TOP2B: variants seen among roughly 807,000 people sequenced by gnomAD.
The protein encoded by TOP2B is DNA topoisomerase II beta.
TOP2B carries 51 observed loss-of-function variants against 193.5 expected under a neutral mutation model. That is an observed-to-expected ratio of 0.26 (90% CI 0.21 to 0.33). The LOEUF is 0.33. Among genes scored for constraint, TOP2B ranks in the 10% least tolerant of loss-of-function variants. TOP2B has a pLI of 1.00. For missense variants in TOP2B, 1,378 were observed against 1,909.3 expected (o/e 0.72, Z 5.19); for synonymous variants, 634 against 635.7 (o/e 1.00, Z 0.04).
At chr3:25,621,200 C>T (rs1364172961) in intron 21 of TOP2B, among the ~76,000 whole-genome samples, 1 of 152,160 alleles carries the variant, frequency 6.6e-6, no homozygotes, top group Non-Finnish European at 1.5e-5. Flanking sequence ...AAAACCACTA[C>T]TCTTCTCCCA....
chr3:25,635,719 TA>T (rs933518733), intron 7 of TOP2B, among the ~76,000 whole-genome samples: 1 of 151,962 alleles, frequency 6.6e-6, no homozygotes, highest in African/African-American at 2.4e-5. Context: ...CAGTATCAAA[TA>T]ATGTAACATA....
At chr3:25,640,860 A>AG (rs1045864180) in intron 4 of TOP2B, among the ~76,000 whole-genome samples, 9 of 150,728 alleles carry the variant, frequency 6.0e-5, no homozygotes, top group Admixed American at 2.0e-4. Context: ...AGGCTCAAGC[A>AG]ATCCTCCCGC....
At chr3:25,614,302 CAAT>C (rs141741074) in intron 27 of TOP2B, among the ~76,000 whole-genome samples, 17,230 of 151,772 alleles carry the variant, frequency 0.11, 993 homozygotes, top group African/African-American at 0.15. Context: ...ATCAGGATAT[CAAT>C]AATATTAGGA....
At chr3:25,653,830 A>G (rs1703668685) in intron 1 of TOP2B, among the ~76,000 whole-genome samples, 1 of 152,206 alleles carries the variant, frequency 6.6e-6, no homozygotes. Flanking sequence ...GTACTACACT[A>G]TATTAACAAA....
chr3:25,638,141 A>C (rs1442196359), intron 5 of TOP2B, 24 bp downstream of exon 5: 2 of 1,548,876 alleles, frequency 1.3e-6, no homozygotes. Flanking sequence ...GTATTTTTCA[A>C]CCAAAATTCC....
intron 21 of TOP2B, among the ~76,000 whole-genome samples, chr3:25,622,335 AT>A (rs1442636618): frequency 6.6e-6 from 1 of 152,230 alleles, no homozygotes; most frequent in Non-Finnish European, 1.5e-5. Flanking sequence ...ACTTTGAAGT[AT>A]TTAAGAGAAA....
intron 6 of TOP2B, 141 bp from the exon 7 acceptor site, chr3:25,636,289 T>C (rs945399927): frequency 4.7e-5 from 29 of 610,704 alleles, no homozygotes; most frequent in Non-Finnish European, 7.8e-5. Flanking sequence ...TCCTTGATAA[T>C]ATTACAGACA....
intron 6 of TOP2B, 32 bp downstream of exon 6, chr3:25,637,183 T>TA (rs1310881768): frequency 4.7e-6 from 7 of 1,485,786 alleles, no homozygotes; most frequent in Non-Finnish European, 2.8e-6. Flanking sequence ...AACGTTATTT[T>TA]AAAAAAAGAA....
rs139378157 is a variant in TOP2B at position 25,620,256 on chromosome 3, T to C, written c.2863-194A>G. Among the ~76,000 whole-genome samples, 3 of 151,274 alleles carry C rather than the reference T, an allele frequency of 2.0e-5. No homozygotes were observed. The East Asian group carries it at 5.9e-4, about 30-fold the overall frequency. On this transcript the variant is annotated intron_variant, in intron 22 of 35. Coordinates refer to ENST00000264331, the MANE Select transcript of TOP2B (RefSeq NM_001330700.2). ...CGGTGGTGGGAAAAGACATAAGAAGTAATGGTGCTGACCCACTCATACTCT... is the reference window on the plus strand; with the variant it reads ...CGGTGGTGGGAAAAGACATAAGAAGCAATGGTGCTGACCCACTCATACTCT...
Position 25,623,583 on chromosome 3 carries a change from T to C in TOP2B, c.2659A>G (p.Asn887Asp), listed in dbSNP as rs1702719304. ...TTCACAATTTCCCTAGCATCATAGT[T>C]GGGTAGTTTACAAGCCCATCCAGTA... ...IGTGWACKLPNYDAREIVNNV... is the reference protein window; with the variant it reads ...IGTGWACKLPDYDAREIVNNV... Residue 887 changes from asparagine to aspartate, a missense_variant, in exon 21 of 36, where the codon AAC becomes GAC. Asn to Asp is a conservative substitution (Grantham distance 23). Coordinates refer to ENST00000264331, the MANE Select transcript of TOP2B (RefSeq NM_001330700.2). 1.2e-6 allele frequency: 2 copies of C among 1,613,808 alleles called. No homozygotes were observed. Among genetic ancestry groups the C allele is most frequent in the African/African-American group, 1.3e-5 (1 of 74,916 alleles).
chr3:25,601,011 C>A, intron 34 of TOP2B, 89 bp downstream of exon 34: 1 of 1,403,998 alleles, frequency 7.1e-7, no homozygotes, highest in Non-Finnish European at 9.7e-7. Flanking sequence ...AAAATAGATA[C>A]CTAGCCTCTC....
At chr3:25,652,834 AG>A (rs752832652) in intron 1 of TOP2B, among the ~76,000 whole-genome samples, 2 of 152,166 alleles carry the variant, frequency 1.3e-5, no homozygotes, top group Admixed American at 1.3e-4. Flanking sequence ...AAAAACAATG[AG>A]GAAAAAAAAT....
At chr3:25,650,842 T>C (rs1292246406) in intron 1 of TOP2B, among the ~76,000 whole-genome samples, 1 of 152,236 alleles carries the variant, frequency 6.6e-6, no homozygotes, top group Non-Finnish European at 1.5e-5. Flanking sequence ...ATTGGCCCTG[T>C]AAACATATTG....
chr3:25,624,509 A>T, intron 19 of TOP2B, 64 bp from the exon 20 acceptor site: 1 of 1,564,482 alleles, frequency 6.4e-7, no homozygotes, highest in East Asian at 2.3e-5. Flanking sequence ...TTACTCCCCA[A>T]CTTGAATTAA....
intron 25 of TOP2B, 130 bp downstream of exon 25, chr3:25,618,288 C>T: frequency 1.5e-6 from 1 of 650,938 alleles, no homozygotes; most frequent in South Asian, 1.9e-5. Flanking sequence ...AAACAGAAGA[C>T]TTTAGTCTCT....
Position 25,599,489 on chromosome 3 carries a change from A to G in TOP2B, c.4656T>C (p.Ser1552=). The G allele has an allele frequency of 6.2e-7, 1 of 1,613,638 alleles. No homozygotes were observed. Among genetic ancestry groups the G allele is most frequent in the Non-Finnish European group, 8.5e-7 (1 of 1,179,682 alleles). Residue 1552 remains serine, a synonymous_variant, in exon 35 of 36, where the codon TCT becomes TCC. Coordinates refer to ENST00000264331, the MANE Select transcript of TOP2B (RefSeq NM_001330700.2). ...RGAKKRKASG[S]ENEGDYNPGR... is the part of the protein sequence containing the mutation. ...CAGGGTTATAATCGCCTTCATTTTC[A>G]GAGCCAGATGCTTTCCTTTTCTTTG...
In TOP2B at chr3:25,645,291, A is replaced by T; in HGVS notation, c.240+9T>A. The T allele has an allele frequency of 6.6e-7, 1 of 1,522,490 alleles. No individual in the cohort carries two copies. The highest frequency in any genetic ancestry group is 1.4e-5 in the African/African-American group (1 of 71,920). 94.3% of individuals were successfully genotyped at this position (1,522,490 alleles called of 1,614,324 possible). A position where few individuals can be genotyped will look rare whatever the true frequency, so the allele number is the denominator to read the frequency against. Reference sequence around the variant, plus strand: ...TCTCCTAATTTCAATCAATTTTAGCAATAATTACCTGCGTCAATGGCTCCA... The same window carrying T: ...TCTCCTAATTTCAATCAATTTTAGCTATAATTACCTGCGTCAATGGCTCCA... On this transcript the variant is annotated intron_variant, in intron 2 of 35. Transcript: ENST00000264331.
At chr3:25,615,655 T>A in intron 25 of TOP2B, 69 bp from the exon 26 acceptor site, 1 of 1,227,038 alleles carries the variant, frequency 8.1e-7, no homozygotes, top group Non-Finnish European at 1.0e-6. Flanking sequence ...TTTTATTGAA[T>A]AATTAGTTTA....
At chr3:25,653,556 A>G (rs1277653820) in intron 1 of TOP2B, among the ~76,000 whole-genome samples, 2 of 152,032 alleles carry the variant, frequency 1.3e-5, no homozygotes, top group African/African-American at 4.8e-5. Flanking sequence ...CCCTGCCCCA[A>G]GTAGCTAGTA....
Sources: allele counts gnomAD v4.1 joint callset (sites outside exome capture counted in the v4.1 genomes callset), GRCh38; gene constraint gnomAD v4.1.1; transcripts MANE v1.5; gene names NCBI Gene and HGNC (gene_info 2026-07-23, HGNC 2026-07-21).